MGAM2: variants seen among roughly 807,000 people sequenced by gnomAD.
MGAM2 encodes the protein maltase-glucoamylase 2 (putative).
Under a neutral mutation model 96.1 loss-of-function variants are expected in MGAM2, and 98 were observed. The observed-to-expected ratio is 1.02, with a 90% CI of 0.87 to 1.21. The LOEUF (loss-of-function observed/expected upper bound fraction) is 1.21, where lower values mean the gene tolerates loss of function less well. Among genes scored for constraint, MGAM2 ranks in the 50% most tolerant of loss-of-function variants. The pLI, the probability that MGAM2 is intolerant of heterozygous loss-of-function variation, is 0.00. For synonymous variants in MGAM2, 749 were observed against 414.8 expected, an observed-to-expected ratio of 1.81 and a Z score of -9.79; for missense variants, 2,055 against 1,182.4, an observed-to-expected ratio of 1.74 and a Z score of -10.82.
intron 32 of MGAM2, among the ~76,000 whole-genome samples, chr7:142,182,384 G>T (rs776648736): frequency 8.5e-5 from 13 of 152,102 alleles, no homozygotes; most frequent in Non-Finnish European, 1.6e-4. Flanking sequence ...CAGACGGGTG[G>T]CATGCAGATC....
chr7:142,154,149 TC>T lies in MGAM2; in HGVS notation c.1770del (p.Thr591LeufsTer13). 1 of 662,430 alleles carries T rather than the reference TC, an allele frequency of 1.5e-6. No homozygotes were observed. The allele number at this position is 662,430 out of a possible 1,614,324, so 41.0% of individuals were successfully genotyped here. A position where few individuals can be genotyped will look rare whatever the true frequency, so the allele number is the denominator to read the frequency against. On this transcript the variant is annotated frameshift_variant, in exon 16 of 48. Transcript: ENST00000477922. LOFTEE classifies it high-confidence loss of function. ...ACATGGGATGACCTCCGATGGTCTA[TC>T]CCCACTATCCTTGAGTTCAACCTGT... ...AATWDDLRWS[I>X]PTILEFNLFG... is the part of the protein sequence containing the mutation.
Position 142,197,656 on chromosome 7 carries a change from C to T in MGAM2, c.4794C>T (p.Asp1598=), listed in dbSNP as rs987985992. The stretch of plus-strand genomic sequence containing the variant: ...TTATTTTTTTAAGGTTTACGGATGA[C>T]AGGACAACATGGGATATAGACCGTC... The part of the protein sequence containing the change: ...VRPLLHEFTD[D]RTTWDIDRQF... Residue 1598 remains aspartate (D), a synonymous_variant, in exon 42 of 48, where the codon GAC becomes GAT. Transcript: ENST00000477922. 2.8e-6 allele frequency: 2 copies of T among 702,786 alleles called. No homozygotes were observed. Among genetic ancestry groups the T allele is most frequent in the Non-Finnish European group, 5.2e-6 (2 of 385,016 alleles). 43.5% of individuals were successfully genotyped at this position (702,786 alleles called of 1,614,324 possible).
intron 3 of MGAM2, among the ~76,000 whole-genome samples, chr7:142,124,302 C>T (rs1390239908): frequency 6.6e-6 from 1 of 151,726 alleles, no homozygotes; most frequent in East Asian, 1.9e-4. Flanking sequence ...AATTTTTAAT[C>T]GATCCATCAC....
Position 142,133,967 on chromosome 7 carries a change from A to T in MGAM2, c.576-14A>T. 2 of 698,380 alleles carry T rather than the reference A, an allele frequency of 2.9e-6. No individual in the cohort carries two copies. The highest frequency in any genetic ancestry group is 5.2e-6 in the Non-Finnish European group (2 of 382,422). 43.3% of individuals were successfully genotyped at this position (698,380 alleles called of 1,614,324 possible). On this transcript the variant is annotated splice_polypyrimidine_tract_variant and intron_variant, in intron 6 of 47. Transcript: ENST00000477922. ...TTTTTCGGTGATTCTTGCTCTACTT[A>T]CCCCATGGCCCAGGTTGGACACGAG... is the stretch of plus-strand genomic sequence containing the variant.
At chr7:142,156,920 C>G (rs1795752468) in intron 17 of MGAM2, among the ~76,000 whole-genome samples, 1 of 152,142 alleles carries the variant, frequency 6.6e-6, no homozygotes, top group African/African-American at 2.4e-5. Context: ...GGAAAATTTT[C>G]ATCTCTGGGT....
At chr7:142,117,688 T>C (rs1264550447) in intron 2 of MGAM2, among the ~76,000 whole-genome samples, 1 of 152,128 alleles carries the variant, frequency 6.6e-6, no homozygotes, top group Non-Finnish European at 1.5e-5. Context: ...CAGTAAACAT[T>C]AAGACACTTT....
chr7:142,195,571 G>C (rs1258744187), intron 37 of MGAM2, among the ~76,000 whole-genome samples: 1 of 150,084 alleles, frequency 6.7e-6, no homozygotes, highest in African/African-American at 2.5e-5. Context: ...TGGCCAGGCT[G>C]GTCTTGAATT....
chr7:142,155,292 T>C (rs1024001935), intron 17 of MGAM2, among the ~76,000 whole-genome samples: 4 of 152,202 alleles, frequency 2.6e-5, no homozygotes, highest in African/African-American at 9.6e-5. Context: ...TATGAAGAGT[T>C]TGGAGGACTT....
At chr7:142,214,628 C>T (rs1038964000) in intron 46 of MGAM2, among the ~76,000 whole-genome samples, 2 of 152,156 alleles carry the variant, frequency 1.3e-5, no homozygotes, top group Non-Finnish European at 2.9e-5. Flanking sequence ...GAACTACAAA[C>T]CACTACTCAA....
Position 142,221,805 on chromosome 7 carries a change from A to G in MGAM2, c.7294A>G (p.Thr2432Ala), listed in dbSNP as rs1377551518. Residue 2432 changes from threonine to alanine, a missense_variant, in exon 48 of 48, where the codon ACA (threonine) becomes GCA (alanine). Coordinates refer to ENST00000477922, the MANE Select transcript of MGAM2 (RefSeq NM_001293626.2). ...CTCCAGCAGTGTTACAGGTAACACG[A>G]CACACATTTCTGTTTCAAATCTCAC... ...DNSSSVTGNT[T>A]HISVSNLTTA... 4 of 400,666 alleles carry G rather than the reference A, an allele frequency of 1.0e-5. No individual in the cohort carries two copies. The highest frequency in any genetic ancestry group is 1.8e-5 in the Non-Finnish European group (4 of 227,384). 24.8% of individuals were successfully genotyped at this position (400,666 alleles called of 1,614,324 possible). A position where few individuals can be genotyped will look rare whatever the true frequency, so the allele number is the denominator to read the frequency against.
chr7:142,159,223 G>A, intron 19 of MGAM2, 64 bp from the exon 20 acceptor site: 2 of 694,508 alleles, frequency 2.9e-6, no homozygotes, highest in Non-Finnish European at 5.3e-6. Context: ...AATGATGCCT[G>A]GAGGTGTTTT....
intron 32 of MGAM2, among the ~76,000 whole-genome samples, chr7:142,183,024 C>T (rs182467100): frequency 1.3e-5 from 2 of 152,296 alleles, no homozygotes; most frequent in Non-Finnish European, 1.5e-5. Flanking sequence ...AAAGAGATTA[C>T]CCCTCATAAG....
intron 45 of MGAM2, 35 bp downstream of exon 45, chr7:142,200,003 C>A (rs1395512221): frequency 1.6e-6 from 1 of 614,994 alleles, no homozygotes. Context: ...CTGTACATCA[C>A]TGAGAAAAAT....
chr7:142,207,526 C>T (rs771720063), intron 45 of MGAM2, among the ~76,000 whole-genome samples: 3 of 151,994 alleles, frequency 2.0e-5, no homozygotes, highest in South Asian at 2.1e-4. Flanking sequence ...CCTGGGTTCA[C>T]GCCATTCTCC....
chr7:142,200,067 C>A (rs1417944248), intron 45 of MGAM2, 99 bp downstream of exon 45: 8 of 509,196 alleles, frequency 1.6e-5, no homozygotes, highest in Non-Finnish European at 2.8e-5. Context: ...CTCTCTCTGC[C>A]TATTGTCAAT....
intron 1 of MGAM2, among the ~76,000 whole-genome samples, chr7:142,115,348 A>T (rs1817352454): frequency 6.6e-6 from 1 of 152,258 alleles, no homozygotes; most frequent in Non-Finnish European, 1.5e-5. Context: ...GTGCGGCAGC[A>T]CAGAAGGCAG....
At chr7:142,211,276 C>T (rs142961731) in intron 46 of MGAM2, among the ~76,000 whole-genome samples, 72 of 152,250 alleles carry the variant, frequency 4.7e-4, no homozygotes, top group African/African-American at 1.6e-3. Context: ...AACCAGAATG[C>T]CCCTTCTCCT....
chr7:142,163,417 G>T (rs1795947245), intron 23 of MGAM2, among the ~76,000 whole-genome samples: 1 of 152,094 alleles, frequency 6.6e-6, no homozygotes, highest in Admixed American at 6.5e-5. Context: ...GAGTAGCTGG[G>T]ATTACAGGCA....
At chr7:142,166,428 T>G (rs147280099) in intron 25 of MGAM2, among the ~76,000 whole-genome samples, 175 bp downstream of exon 25, 1 of 152,096 alleles carries the variant, frequency 6.6e-6, no homozygotes, top group Admixed American at 6.6e-5. Flanking sequence ...CAGAAGAAAC[T>G]TATTGCCATT....
Sources: allele counts gnomAD v4.1 joint callset (sites outside exome capture counted in the v4.1 genomes callset), GRCh38; gene constraint gnomAD v4.1.1; transcripts MANE v1.5; gene names NCBI Gene and HGNC (gene_info 2026-07-23, HGNC 2026-07-21).